UBQLN4: variants seen among roughly 807,000 people sequenced by gnomAD.
The protein encoded by UBQLN4 is ubiquilin-4.
UBQLN4 carries 11 observed loss-of-function variants against 60.4 expected under a neutral mutation model. That is an observed-to-expected ratio of 0.18 (90% confidence interval 0.11 to 0.30). UBQLN4 has a LOEUF of 0.30. Ranked by LOEUF, UBQLN4 falls within the 10% of genes least tolerant of loss-of-function variation. UBQLN4 has a pLI of 1.00. For synonymous variants in UBQLN4, 258 were observed against 313.1 expected, an observed-to-expected ratio of 0.82 and a Z score of 1.86; for missense variants, 417 against 795.5, an observed-to-expected ratio of 0.52 and a Z score of 5.72.
intron 10 of UBQLN4, among the ~76,000 whole-genome samples, chr1:156,037,964 T>C (rs2102738740): frequency 6.6e-6 from 1 of 152,322 alleles, no homozygotes; most frequent in South Asian, 2.1e-4. Context: ...TGGAATATAG[T>C]GGCAGAATCA....
chr1:156,051,237 G>T lies in UBQLN4; in HGVS notation c.351C>A (p.Thr117=), dbSNP rs1165742357. 11 of 1,601,316 alleles carry T rather than the reference G, an allele frequency of 6.9e-6. No individual in the cohort carries two copies. Among genetic ancestry groups the T allele is most frequent in the Middle Eastern group, 1.7e-4 (1 of 6,048 alleles). Residue 117 remains threonine (T), a synonymous_variant, in exon 3 of 11, where the codon ACC becomes ACA. Transcript: ENST00000368309. ...APSTTPASPA[T]PAQPSTSGSA... ...TGCCAGAGGTGGAGGGCTGGGCAGG[G>T]GTGGCGGGTGAAGCAGGCGTGGTGG...
chr1:156,048,576 G>A lies in UBQLN4; in HGVS notation c.825C>T (p.Ile275=). ...GGCGGAGGGCATTATACCCTCCAGG[G>A]ATGCTCTCAAGGTTGCTCAGGGCCC... ...QDRALSNLES[I]PGGYNALRRM... is the part of the protein sequence containing the mutation. Residue 275 remains isoleucine, a synonymous_variant, in exon 5 of 11, where the codon ATC becomes ATT. Coordinates refer to ENST00000368309, the MANE Select transcript of UBQLN4 (RefSeq NM_020131.5). This position sits in a 1 kb window ranked among gnomAD's most constrained non-coding sequence, Gnocchi z 4.9. The A allele has an allele frequency of 6.2e-7, 1 of 1,614,090 alleles. No individual in the cohort carries two copies. The highest frequency in any genetic ancestry group is 1.3e-5 in the African/African-American group (1 of 75,030).
At position 156,051,714 on chromosome 1, in the gene UBQLN4, G is replaced by A. The variant is rs754375707; in HGVS notation, c.252C>T (p.Thr84=). The change falls in exon 2 of 11, where the codon ACC becomes ACT. Residue 84 remains threonine, a synonymous_variant. Coordinates refer to ENST00000368309, the MANE Select transcript of UBQLN4 (RefSeq NM_020131.5). ...DGLTVHLVIK[T]PQKAQDPAAA... Reference sequence around the variant, plus strand: ...TCTGCTCCTGAACTTACTTCTGAGGGGTCTTGATGACCAGATGGACAGTGA... The same window carrying A: ...TCTGCTCCTGAACTTACTTCTGAGGAGTCTTGATGACCAGATGGACAGTGA... The A allele has an allele frequency of 1.9e-6, 3 of 1,613,428 alleles. No individual in the cohort carries two copies. Among genetic ancestry groups the A allele is most frequent in the African/African-American group, 1.3e-5 (1 of 74,992 alleles).
intron 1 of UBQLN4, among the ~76,000 whole-genome samples, chr1:156,052,779 G>A (rs1052523685): frequency 5.9e-5 from 9 of 152,178 alleles, no homozygotes; most frequent in African/African-American, 2.2e-4. Context: ...GCTTTGTAGG[G>A]AACATACAGT....
rs1431045271 is a variant in UBQLN4, at chr1:156,036,947, A to AG, written c.*30dup. On this transcript the variant is annotated 3_prime_UTR_variant, in exon 11 of 11. Transcript: ENST00000368309. ...AAGAACCGAATGCTGACATCGAGGG[A>AG]GGGGAGAGGCAGGAGGCATGGGCCG... is the stretch of plus-strand genomic sequence containing the variant. The AG allele has an allele frequency of 1.9e-6, 3 of 1,606,280 alleles. No individual in the cohort carries two copies. The African/African-American group carries it at 4.0e-5, about 22-fold the overall frequency.
At chr1:156,038,819 T>TC (rs1469817538) in intron 10 of UBQLN4, among the ~76,000 whole-genome samples, 36 of 149,490 alleles carry the variant, frequency 2.4e-4, no homozygotes, top group Non-Finnish European at 1.6e-4. Context: ...CTTCTTTTTT[T>TC]TTTTTTTTTG....
rs1683382731 is a variant in UBQLN4 at position 156,035,774 on chromosome 1, A to C, written c.*1204T>G. 1 of 985,364 alleles carries C rather than the reference A, an allele frequency of 1.0e-6. No individual in the cohort carries two copies. The highest frequency in any genetic ancestry group is 4.7e-5 in the South Asian group (1 of 21,278). The allele number at this position is 985,364 out of a possible 1,614,324, so 61.0% of individuals were successfully genotyped here. ...TACCCAGCATCCAGAGCCCCAAGGG[A>C]CCTAGCTCTCCCGGATATATATTCC... On this transcript the variant is annotated 3_prime_UTR_variant, in exon 11 of 11. Coordinates refer to ENST00000368309, the MANE Select transcript of UBQLN4 (RefSeq NM_020131.5).
Position 156,036,750 on chromosome 1 carries a change from C to A in UBQLN4, c.*228G>T. 3.0e-6 allele frequency: 4 copies of A among 1,325,538 alleles called. No homozygotes were observed. The highest frequency in any genetic ancestry group is 3.9e-6 in the Non-Finnish European group (4 of 1,037,104). 82.1% of individuals were successfully genotyped at this position (1,325,538 alleles called of 1,614,324 possible). On this transcript the variant is annotated 3_prime_UTR_variant, in exon 11 of 11. Coordinates refer to ENST00000368309, the MANE Select transcript of UBQLN4 (RefSeq NM_020131.5). Reference sequence around the variant, plus strand: ...AACTGTGAAAACTGTTTAAGTAGCACTGCTCAAGGAGACCAGGAGAGAAGA... The same window carrying A: ...AACTGTGAAAACTGTTTAAGTAGCAATGCTCAAGGAGACCAGGAGAGAAGA...
At position 156,037,115 on chromosome 1, in the gene UBQLN4, C is replaced by G. The variant is rs1468301293; in HGVS notation, c.1669G>C (p.Val557Leu). The G allele has an allele frequency of 6.2e-7, 1 of 1,614,068 alleles. No individual in the cohort carries two copies. Among genetic ancestry groups the G allele is most frequent in the Non-Finnish European group, 8.5e-7 (1 of 1,180,016 alleles). The change falls in exon 11 of 11, where the codon GTG (valine) becomes CTG (leucine). Residue 557 changes from valine to leucine, a missense_variant. By Grantham distance (32) the Val-to-Leu change is conservative. Transcript: ENST00000368309. ...TGCTCCAGCTGCTGCTGAAATCTCA[C>G]TTCTGGCGTCTGCACCTGGAGGGGA... is the stretch of plus-strand genomic sequence containing the variant. ...SGNSQVQTPE[V>L]RFQQQLEQLN... is the part of the protein sequence containing the mutation.
intron 10 of UBQLN4, among the ~76,000 whole-genome samples, chr1:156,038,560 G>A (rs1436210311): frequency 6.6e-6 from 1 of 152,034 alleles, no homozygotes; most frequent in Non-Finnish European, 1.5e-5. Context: ...AGGAGGCTGA[G>A]GCAGGAGAAT....
In UBQLN4 at chr1:156,036,607, A is replaced by G. The variant is rs1683410128; in HGVS notation, c.*371T>C. The stretch of plus-strand genomic sequence containing the variant: ...ATAAGACAAAACCCTAGTGGTATAG[A>G]TGGAAGACTATGTTCCAGTAAACCA... On this transcript the variant is annotated 3_prime_UTR_variant, in exon 11 of 11. Coordinates refer to ENST00000368309, the MANE Select transcript of UBQLN4 (RefSeq NM_020131.5). 3 of 1,012,998 alleles carry G rather than the reference A, an allele frequency of 3.0e-6. No homozygotes were observed. The highest frequency in any genetic ancestry group is 2.4e-6 in the Non-Finnish European group (2 of 846,524). 62.8% of individuals were successfully genotyped at this position (1,012,998 alleles called of 1,614,324 possible).
In UBQLN4 at chr1:156,035,505, T is replaced by C. The variant is rs1683377603; in HGVS notation, c.*1473A>G. 1 of 985,412 alleles carries C rather than the reference T, an allele frequency of 1.0e-6. No individual in the cohort carries two copies. Among genetic ancestry groups the C allele is most frequent in the Non-Finnish European group, 1.2e-6 (1 of 829,928 alleles). The allele number at this position is 985,412 out of a possible 1,614,324, so 61.0% of individuals were successfully genotyped here. Reference sequence around the variant, plus strand: ...GCCAAGTAGGAGAGGGAAGAGGTGATATGAGCCTCCTCTGTGCTCTGACAG... The same window carrying C: ...GCCAAGTAGGAGAGGGAAGAGGTGACATGAGCCTCCTCTGTGCTCTGACAG... On this transcript the variant is annotated 3_prime_UTR_variant, in exon 11 of 11. Transcript: ENST00000368309.
At chr1:156,049,935 C>A (rs1254752673) in intron 4 of UBQLN4, among the ~76,000 whole-genome samples, 3 of 152,224 alleles carry the variant, frequency 2.0e-5, no homozygotes, top group Non-Finnish European at 4.4e-5. Flanking sequence ...GTTCTTCTTT[C>A]TTTCCCCCTG....
At chr1:156,035,142 T>G (rs1487419058), downstream of UBQLN4, among the ~76,000 whole-genome samples, 3 of 151,914 alleles carry the variant, frequency 2.0e-5, no homozygotes, top group Admixed American at 6.6e-5. Context: ...GCCCAGGCTG[T>G]AGTGCAATGG....
intron 2 of UBQLN4, 53 bp downstream of exon 2, chr1:156,051,653 A>G (rs967776173): frequency 1.9e-6 from 3 of 1,608,756 alleles, no homozygotes; most frequent in Non-Finnish European, 2.5e-6. Context: ...GTGAGAAAGT[A>G]TCAGATGGGG....
chr1:156,042,520 G>C (rs1175771545), intron 7 of UBQLN4: 1 of 1,183,046 alleles, frequency 8.5e-7, no homozygotes, highest in African/African-American at 1.5e-5. Flanking sequence ...CACACGCCAT[G>C]TTCTAAGCAC....
Position 156,041,591 on chromosome 1 carries a change from G to C in UBQLN4, c.1547C>G (p.Ser516Cys), listed in dbSNP as rs779441917. 1.9e-6 allele frequency: 3 copies of C among 1,613,000 alleles called. No individual in the cohort carries two copies. The highest frequency in any genetic ancestry group is 1.7e-5 in the Admixed American group (1 of 59,894). Reference sequence around the variant, plus strand: ...AGATGTGGCTGGCGTGGCTGGTGAGGAAGTGGGGGCCTCGGGCGTAGACCC... The same window carrying C: ...AGATGTGGCTGGCGTGGCTGGTGAGCAAGTGGGGGCCTCGGGCGTAGACCC... ...NAGSTPEAPT[S>C]SPATPATSSP... is the part of the protein sequence containing the mutation. Residue 516 changes from serine to cysteine, a missense_variant, in exon 10 of 11, where the codon TCC becomes TGC. Transcript: ENST00000368309.
At position 156,042,877 on chromosome 1, in the gene UBQLN4, T is replaced by A. The variant is rs1184861931; in HGVS notation, c.1163A>T (p.Gln388Leu). 3 of 1,614,052 alleles carry A rather than the reference T, an allele frequency of 1.9e-6. No individual in the cohort carries two copies. The highest frequency in any genetic ancestry group is 3.3e-5 in the Admixed American group (2 of 60,002). ...CAGCTGGGGGTTCTCAGAGATCTGCTGGAGGAGGGCTTGCATTTCTGGGCT... is the reference window on the plus strand; with the variant it reads ...CAGCTGGGGGTTCTCAGAGATCTGCAGGAGGAGGGCTTGCATTTCTGGGCT... ...FNSPEMQALL[Q>L]QISENPQLMQ... Residue 388 changes from glutamine (Q) to leucine (L), a missense_variant, in exon 7 of 11, where the codon CAG (glutamine) becomes CTG (leucine). Coordinates refer to ENST00000368309, the MANE Select transcript of UBQLN4 (RefSeq NM_020131.5).
At position 156,036,565 on chromosome 1, in the gene UBQLN4, A is replaced by G. The variant is rs1419327277; in HGVS notation, c.*413T>C. ...GGGTAGGGAGAAAAAGAAGGAAGAG[A>G]GTTACCAAAAGTAAACATAAGACAA... On this transcript the variant is annotated 3_prime_UTR_variant, in exon 11 of 11. Transcript: ENST00000368309. 2 of 989,334 alleles carry G rather than the reference A, an allele frequency of 2.0e-6. No individual in the cohort carries two copies. Among genetic ancestry groups the G allele is most frequent in the Non-Finnish European group, 2.4e-6 (2 of 832,404 alleles). 61.3% of individuals were successfully genotyped at this position (989,334 alleles called of 1,614,324 possible). A position where few individuals can be genotyped will look rare whatever the true frequency, so the allele number is the denominator to read the frequency against.
Sources: allele counts gnomAD v4.1 joint callset (sites outside exome capture counted in the v4.1 genomes callset), GRCh38; gene constraint gnomAD v4.1.1; non-coding constraint Gnocchi (gnomAD v3.1); transcripts MANE v1.5; gene names NCBI Gene and HGNC (gene_info 2026-07-23, HGNC 2026-07-21).